Variants in CADPS2 observed in about 807,000 individuals in gnomAD.
CADPS2 encodes calcium dependent secretion activator 2, also known as calcium-dependent secretion activator 2.
A neutral mutation model predicts 172.5 loss-of-function variants in CADPS2; 93 were observed. The ratio of observed to expected loss-of-function variants is 0.54; its 90% confidence interval spans 0.46 to 0.64. The LOEUF (loss-of-function observed/expected upper bound fraction) is 0.64, where lower values mean the gene tolerates loss of function less well. Ranked by LOEUF, CADPS2 falls within the 30% of genes least tolerant of loss-of-function variation. CADPS2 has a pLI of 0.00. For synonymous variants in CADPS2, 546 were observed against 555.2 expected (o/e 0.98, Z 0.23); for missense variants, 1,420 against 1,565.9 (o/e 0.91, Z 1.57).
At chr7:122,824,026 G>A (rs1036568932) in intron 1 of CADPS2, among the ~76,000 whole-genome samples, 2 of 152,036 alleles carry the variant, frequency 1.3e-5, no homozygotes, top group Admixed American at 1.3e-4. Flanking sequence ...TACTTTCCCA[G>A]TCTCAGACTC....
chr7:122,502,694 C>T (rs1371406273), intron 9 of CADPS2, among the ~76,000 whole-genome samples: 1 of 151,860 alleles, frequency 6.6e-6, no homozygotes, highest in African/African-American at 2.4e-5. Context: ...AATTGAGCCG[C>T]CAAAATATTT....
chr7:122,883,834 A>T (rs1554518394), intron 1 of CADPS2, among the ~76,000 whole-genome samples: 2 of 151,912 alleles, frequency 1.3e-5, no homozygotes, highest in African/African-American at 4.8e-5. Context: ...TAAGGATTCT[A>T]TTTTTTTTCA....
intron 1 of CADPS2, among the ~76,000 whole-genome samples, chr7:122,830,378 T>C (rs1184018075): frequency 2.0e-5 from 3 of 151,368 alleles, no homozygotes; most frequent in Non-Finnish European, 4.4e-5. Flanking sequence ...CAGTTAAATA[T>C]TCTTATTCTG....
intron 9 of CADPS2, among the ~76,000 whole-genome samples, chr7:122,494,946 TTGTG>T: frequency 6.6e-6 from 1 of 152,052 alleles, no homozygotes; most frequent in South Asian, 2.1e-4. Context: ...AAAGGTATAA[TTGTG>T]TGGGTGTTTT....
At chr7:122,609,240 T>C (rs539109938) in intron 6 of CADPS2, among the ~76,000 whole-genome samples, 2 of 152,248 alleles carry the variant, frequency 1.3e-5, no homozygotes, top group South Asian at 4.2e-4. Flanking sequence ...TTAGGACTAC[T>C]ATATGAAAAT....
chr7:122,694,561 G>A (rs1484398151), intron 2 of CADPS2, among the ~76,000 whole-genome samples: 4 of 152,154 alleles, frequency 2.6e-5, no homozygotes, highest in Non-Finnish European at 5.9e-5. Context: ...GGGGTTAGAA[G>A]CTGTGGTGTG....
chr7:122,404,651 C>G (rs111724131), intron 20 of CADPS2, among the ~76,000 whole-genome samples: 4,612 of 152,188 alleles, frequency 0.03, 217 homozygotes, highest in African/African-American at 0.11. Flanking sequence ...CTCTCCAGCA[C>G]CTGTTGTTTC....
At chr7:122,568,585 T>C (rs2066777218) in intron 7 of CADPS2, among the ~76,000 whole-genome samples, 1 of 152,178 alleles carries the variant, frequency 6.6e-6, no homozygotes, top group South Asian at 2.1e-4. Context: ...TTCACAAAGA[T>C]GTTAAGTAAA....
chr7:122,442,884 C>T (rs1008525889), intron 15 of CADPS2, among the ~76,000 whole-genome samples: 2 of 152,140 alleles, frequency 1.3e-5, no homozygotes, highest in Admixed American at 6.5e-5. Flanking sequence ...TCCACCCACA[C>T]GCACAAGAAA....
intron 1 of CADPS2, among the ~76,000 whole-genome samples, chr7:122,751,578 C>T (rs939134925): frequency 2.0e-5 from 3 of 152,094 alleles, no homozygotes; most frequent in African/African-American, 7.2e-5. Context: ...ACTGACATAT[C>T]ATAAGAAATT....
At chr7:122,666,156 T>C (rs929510969) in intron 2 of CADPS2, among the ~76,000 whole-genome samples, 1 of 152,164 alleles carries the variant, frequency 6.6e-6, no homozygotes, top group African/African-American at 2.4e-5. Context: ...TATTTACACA[T>C]ATGACCTTAT....
At chr7:122,508,020 A>G (rs1336473009) in intron 9 of CADPS2, among the ~76,000 whole-genome samples, 3 of 152,204 alleles carry the variant, frequency 2.0e-5, no homozygotes, top group Non-Finnish European at 2.9e-5. Flanking sequence ...AAATATTTAC[A>G]GATTCTCCAC....
chr7:122,410,610 G>T (rs892544554), intron 19 of CADPS2, among the ~76,000 whole-genome samples: 1 of 151,864 alleles, frequency 6.6e-6, no homozygotes, highest in Non-Finnish European at 1.5e-5. Flanking sequence ...CTGCAAATAG[G>T]CAATAACAAT....
At chr7:122,779,658 C>A (rs1005733539) in intron 1 of CADPS2, among the ~76,000 whole-genome samples, 4 of 152,134 alleles carry the variant, frequency 2.6e-5, no homozygotes, top group Admixed American at 6.5e-5. Flanking sequence ...TTTGTTTCCC[C>A]CCTTTCTAAT....
intron 2 of CADPS2, among the ~76,000 whole-genome samples, chr7:122,736,163 C>T (rs538129273): frequency 2.0e-5 from 3 of 152,306 alleles, no homozygotes; most frequent in Admixed American, 1.3e-4. Context: ...AATCAGTTAA[C>T]AGTACATCCA....
In CADPS2 at chr7:122,471,388, C is replaced by A; in HGVS notation, c.2173G>T (p.Val725Leu). The change falls in exon 14 of 30, where the codon GTG (valine) becomes TTG (leucine). Residue 725 changes from valine (V) to leucine (L), a missense_variant. Coordinates refer to ENST00000449022, the MANE Select transcript of CADPS2 (RefSeq NM_017954.11). The stretch of plus-strand genomic sequence containing the variant: ...AAGTAAAAATACCTGTTGCCGTGCA[C>A]ATGAGAGGCACAGAATGCAAAGCTG... ...HYSFAFCASHVHGNRPDGIGT... is the reference protein window; with the variant it reads ...HYSFAFCASHLHGNRPDGIGT... 6.2e-7 allele frequency: 1 copy of A among 1,612,278 alleles called. No homozygotes were observed. The highest frequency in any genetic ancestry group is 8.5e-7 in the Non-Finnish European group (1 of 1,179,096).
chr7:122,783,513 C>T (rs1450999651), intron 1 of CADPS2, among the ~76,000 whole-genome samples: 1 of 152,056 alleles, frequency 6.6e-6, no homozygotes, highest in Non-Finnish European at 1.5e-5. Context: ...CCTTGCAGAC[C>T]CTTGACCTGG....
At position 122,702,347 on chromosome 7, in the gene CADPS2, G is replaced by A. The variant is rs1054475946; in HGVS notation, c.453+34608C>T. ...AGACATGGGAAATACTTTACTGCCC[G>A]TACCTTGATAGTTGTAGATGATCAC... On this transcript the variant is annotated intron_variant, in intron 2 of 29. Transcript: ENST00000449022. 2.5e-5 allele frequency: 41 copies of A among 1,613,568 alleles called. No individual in the cohort carries two copies. The highest frequency in any genetic ancestry group is 3.3e-5 in the Non-Finnish European group (39 of 1,179,746).
chr7:122,469,243 T>C (rs1011190000), intron 14 of CADPS2, among the ~76,000 whole-genome samples: 3 of 152,180 alleles, frequency 2.0e-5, no homozygotes, highest in African/African-American at 7.2e-5. Flanking sequence ...TGGGGGCACA[T>C]TAGCTGAATT....
Sources: gnomAD v4.1 joint callset for allele counts (sites outside exome capture counted in the v4.1 genomes callset) on GRCh38, gnomAD v4.1.1 for gene constraint, MANE v1.5 for transcripts, NCBI Gene and HGNC (gene_info 2026-07-23, HGNC 2026-07-21) for gene names.